The following EXOC6B variants were observed in gnomAD, a reference collection of about 807,000 sequenced individuals.
The protein encoded by EXOC6B is exocyst complex component 6B.
In EXOC6B, 54 loss-of-function variants were observed where a neutral mutation model predicts 113.5. The observed-to-expected ratio is 0.48, with a 90% CI of 0.38 to 0.60. The LOEUF is 0.60. EXOC6B is among the 20% of genes least tolerant of loss of function. EXOC6B has a pLI of 0.00. For missense variants in EXOC6B, 797 were observed against 977.5 expected, an observed-to-expected ratio of 0.82 and a Z score of 2.46; for synonymous variants, 357 against 339.0, an observed-to-expected ratio of 1.05 and a Z score of -0.58.
At chr2:72,502,685 C>T (rs1222669323) in intron 11 of EXOC6B, among the ~76,000 whole-genome samples, 3 of 152,168 alleles carry the variant, frequency 2.0e-5, no homozygotes, top group Non-Finnish European at 2.9e-5. Flanking sequence ...GCCATTTACC[C>T]TGTTTGACAC....
In EXOC6B at chr2:72,397,626, A is replaced by AAAAAAAAAAT. The variant is rs1297110503; in HGVS notation, c.1981-17757_1981-17756insATTTTTTTTT. Among the ~76,000 whole-genome samples the AAAAAAAAAAT allele has an allele frequency of 1.7e-3, 226 of 131,618 alleles. 4 individuals carry two copies. Among genetic ancestry groups the AAAAAAAAAAT allele is most frequent in the African/African-American group, 5.5e-3 (178 of 32,438 alleles). The allele number at this position is 131,618 out of a possible 152,430, so 86.3% of individuals were successfully genotyped here. On this transcript the variant is annotated intron_variant, in intron 18 of 21. Coordinates refer to ENST00000272427, the MANE Select transcript of EXOC6B (RefSeq NM_015189.3). Reference sequence around the variant, plus strand: ...AGGTGAAACCTCATCTCAAAAAAAAAAAATAAAATAAAATAAAATAAAATA... The same window carrying AAAAAAAAAAT: ...AGGTGAAACCTCATCTCAAAAAAAAAAAAAAAAAATAAATAAAATAAAATAAAATAAAATA...
chr2:72,819,750 G>C (rs1686480513), intron 1 of EXOC6B, among the ~76,000 whole-genome samples: 1 of 152,268 alleles, frequency 6.6e-6, no homozygotes, highest in Non-Finnish European at 1.5e-5. Flanking sequence ...TGGAGGAAGA[G>C]TATGAAAAGA....
At chr2:72,366,668 G>T (rs1020721415) in intron 19 of EXOC6B, among the ~76,000 whole-genome samples, 1 of 151,318 alleles carries the variant, frequency 6.6e-6, no homozygotes, top group Admixed American at 6.6e-5. Flanking sequence ...AACTAGTGAA[G>T]AAAATCTCAA....
intron 16 of EXOC6B, among the ~76,000 whole-genome samples, chr2:72,489,353 A>G (rs1332751107): frequency 1.3e-5 from 2 of 152,220 alleles, no homozygotes; most frequent in Non-Finnish European, 2.9e-5. Flanking sequence ...TAGAGAGTAC[A>G]TATTTTAAAA....
At chr2:72,765,190 G>T (rs571088753) in intron 1 of EXOC6B, among the ~76,000 whole-genome samples, 65 of 152,264 alleles carry the variant, frequency 4.3e-4, no homozygotes, top group African/African-American at 1.5e-3. Flanking sequence ...CAGCTACTTG[G>T]AATGCTGAGG....
chr2:72,336,735 G>C (rs970323355), intron 19 of EXOC6B, among the ~76,000 whole-genome samples: 1 of 152,112 alleles, frequency 6.6e-6, no homozygotes, highest in Non-Finnish European at 1.5e-5. Context: ...GGCCAGGTGC[G>C]ATGGCCCATG....
intron 18 of EXOC6B, among the ~76,000 whole-genome samples, chr2:72,456,618 T>A (rs567579690): frequency 3.9e-5 from 6 of 152,262 alleles, no homozygotes; most frequent in Admixed American, 3.3e-4. Context: ...ATTTGCTGTA[T>A]CCCTTACAAA....
At chr2:72,803,763 T>C (rs773973351) in intron 1 of EXOC6B, among the ~76,000 whole-genome samples, 1 of 152,186 alleles carries the variant, frequency 6.6e-6, no homozygotes, top group African/African-American at 2.4e-5. Context: ...TGCCTGCTGG[T>C]ACCTTTCCAT....
intron 6 of EXOC6B, among the ~76,000 whole-genome samples, chr2:72,667,864 T>C (rs1384963218): frequency 6.6e-6 from 1 of 152,112 alleles, no homozygotes; most frequent in Non-Finnish European, 1.5e-5. Context: ...AAGATAAAAA[T>C]TGACAAGTGT....
At chr2:72,321,950 CA>C (rs1169731821) in intron 20 of EXOC6B, among the ~76,000 whole-genome samples, 1 of 152,080 alleles carries the variant, frequency 6.6e-6, no homozygotes, top group African/African-American at 2.4e-5. Context: ...GGATGTGAAA[CA>C]ACTGGTATGC....
At chr2:72,801,747 T>C (rs959953413) in intron 1 of EXOC6B, among the ~76,000 whole-genome samples, 2 of 152,152 alleles carry the variant, frequency 1.3e-5, no homozygotes, top group Non-Finnish European at 2.9e-5. Context: ...TCCATACCTA[T>C]CAGAATTCTT....
chr2:72,644,582 C>T (rs989096126), intron 6 of EXOC6B, among the ~76,000 whole-genome samples: 1 of 152,150 alleles, frequency 6.6e-6, no homozygotes, highest in African/African-American at 2.4e-5. Flanking sequence ...AGACTAACAA[C>T]GGATCTCTCG....
chr2:72,226,487 G>A (rs1197264464), intron 20 of EXOC6B, among the ~76,000 whole-genome samples: 13 of 152,174 alleles, frequency 8.5e-5, no homozygotes, highest in African/African-American at 3.1e-4. Flanking sequence ...AGGGGAGGAG[G>A]CAGTAGAAGG....
intron 8 of EXOC6B, among the ~76,000 whole-genome samples, chr2:72,552,029 A>C (rs1235619484): frequency 2.0e-5 from 3 of 152,212 alleles, no homozygotes. Context: ...TTGAGTTAAC[A>C]TATGTTCAAA....
intron 8 of EXOC6B, among the ~76,000 whole-genome samples, chr2:72,550,205 A>G (rs964295427): frequency 6.6e-6 from 1 of 152,116 alleles, no homozygotes; most frequent in Admixed American, 6.5e-5. Flanking sequence ...TAAGTAATCC[A>G]TTTTTTAAAA....
At chr2:72,329,596 G>A (rs115147268) in intron 20 of EXOC6B, among the ~76,000 whole-genome samples, 3 of 151,956 alleles carry the variant, frequency 2.0e-5, no homozygotes, top group Non-Finnish European at 4.4e-5. Flanking sequence ...TCAAGCAAAG[G>A]GGGGAATGTT....
chr2:72,430,294 A>C (rs1429412464), intron 18 of EXOC6B, among the ~76,000 whole-genome samples: 1 of 152,188 alleles, frequency 6.6e-6, no homozygotes, highest in African/African-American at 2.4e-5. Context: ...AAATCTTGAA[A>C]TCTGCTTACA....
chr2:72,719,242 T>C (rs372270472), intron 5 of EXOC6B, among the ~76,000 whole-genome samples: 3 of 152,204 alleles, frequency 2.0e-5, no homozygotes, highest in Admixed American at 2.0e-4. Flanking sequence ...AAAACTCATA[T>C]TGAGAGATGC....
At chr2:72,369,136 C>T (rs1301405071) in intron 19 of EXOC6B, among the ~76,000 whole-genome samples, 1 of 152,196 alleles carries the variant, frequency 6.6e-6, no homozygotes, top group Non-Finnish European at 1.5e-5. Flanking sequence ...AGCCCAAAAT[C>T]TCCTCAAGCT....
Sources: allele counts gnomAD v4.1 joint callset (sites outside exome capture counted in the v4.1 genomes callset), GRCh38; gene constraint gnomAD v4.1.1; transcripts MANE v1.5; gene names NCBI Gene and HGNC (gene_info 2026-07-23, HGNC 2026-07-21).